MLLT1: variants seen among roughly 807,000 people sequenced by gnomAD.
MLLT1 encodes the protein MLLT1 super elongation complex subunit, also known as protein ENL.
A neutral mutation model predicts 55.1 loss-of-function variants in MLLT1; 11 were observed. The observed-to-expected ratio is 0.20, with a 90% CI of 0.13 to 0.33. The LOEUF is 0.33. Ranked by LOEUF, MLLT1 falls within the 10% of genes least tolerant of loss-of-function variation. The pLI, the probability that MLLT1 is intolerant of heterozygous loss-of-function variation, is 1.00. For missense variants in MLLT1, 536 were observed against 760.6 expected, an observed-to-expected ratio of 0.70 and a Z score of 3.47; for synonymous variants, 323 against 320.1, an observed-to-expected ratio of 1.01 and a Z score of -0.10.
rs780725072 is a variant in MLLT1, at chr19:6,222,540, G to A, written c.691C>T (p.Arg231Trp). 3.7e-6 allele frequency: 6 copies of A among 1,600,686 alleles called. No individual in the cohort carries two copies. The highest frequency in any genetic ancestry group is 5.1e-6 in the Non-Finnish European group (6 of 1,179,732). The change falls in exon 6 of 12, where the codon CGG (arginine) becomes TGG (tryptophan). Residue 231 changes from arginine to tryptophan, a missense_variant. Around this residue, in one of 3 missense-constraint regions of MLLT1, gnomAD observed 449 missense variants for 489.0 expected, o/e 0.92. Coordinates refer to ENST00000252674, the MANE Select transcript of MLLT1 (RefSeq NM_005934.4). The surrounding 1 kb of genome is among the most constrained non-coding windows in gnomAD (Gnocchi z 4.1). ...GGCAGCCGGCCCTCGCCCAGCTTCC[G>A]CGAGGTGTCCTTGGAGCTTTTGGCC... ...EQAKSSKDTS[R>W]KLGEGRLPKE...
At chr19:6,218,679 CACA>C (rs1419407992) in intron 6 of MLLT1, among the ~76,000 whole-genome samples, 1 of 152,204 alleles carries the variant, frequency 6.6e-6, no homozygotes, top group Admixed American at 6.5e-5. Context: ...CAGTAAAAGC[CACA>C]ACAAGGACAC....
chr19:6,268,905 G>A (rs1446437986), intron 2 of MLLT1, among the ~76,000 whole-genome samples: 1 of 152,182 alleles, frequency 6.6e-6, no homozygotes, highest in Non-Finnish European at 1.5e-5. Context: ...CACCTTCCAG[G>A]TACTTGGAGA....
intron 7 of MLLT1, 162 bp from the exon 8 acceptor site, chr19:6,216,675 C>A: frequency 1.7e-6 from 1 of 583,126 alleles, no homozygotes. Flanking sequence ...CTAAGAACTG[C>A]CCCCACACCG....
chr19:6,265,896 T>C, intron 2 of MLLT1, among the ~76,000 whole-genome samples: 1 of 151,476 alleles, frequency 6.6e-6, no homozygotes, highest in Non-Finnish European at 1.5e-5. Flanking sequence ...GGAGAATCGC[T>C]TGAACCCGGG....
At chr19:6,255,146 A>G (rs1471426588) in intron 3 of MLLT1, among the ~76,000 whole-genome samples, 1 of 152,212 alleles carries the variant, frequency 6.6e-6, no homozygotes, top group Admixed American at 6.5e-5. Context: ...GAAGAATCCA[A>G]AAAGGGAATT....
At chr19:6,234,055 G>C (rs968970711) in intron 3 of MLLT1, among the ~76,000 whole-genome samples, 1 of 152,006 alleles carries the variant, frequency 6.6e-6, no homozygotes, top group Non-Finnish European at 1.5e-5. Context: ...GCAGGGGTGG[G>C]AGGGGCTGGG....
chr19:6,261,950 T>G (rs2091309387), intron 3 of MLLT1, among the ~76,000 whole-genome samples: 1 of 152,188 alleles, frequency 6.6e-6, no homozygotes. Flanking sequence ...ATGTCACTGC[T>G]GGCACATTTT....
chr19:6,266,019 G>A (rs1008223216), intron 2 of MLLT1, among the ~76,000 whole-genome samples: 3 of 152,078 alleles, frequency 2.0e-5, no homozygotes, highest in Admixed American at 6.5e-5. Flanking sequence ...GGTGGCTCAC[G>A]CCGGTAATCC....
chr19:6,213,451 G>T (rs772311339), intron 10 of MLLT1, 43 bp from the exon 11 acceptor site: 12 of 1,476,276 alleles, frequency 8.1e-6, no homozygotes, highest in South Asian at 1.1e-5. Flanking sequence ...GGGGGCCCTG[G>T]ACCCTTCCTG....
chr19:6,268,401 G>C (rs753106229), intron 2 of MLLT1, among the ~76,000 whole-genome samples: 38 of 148,368 alleles, frequency 2.6e-4, no homozygotes, highest in Non-Finnish European at 4.6e-4. Context: ...GAAATAAGAA[G>C]CAAATGAGCT....
chr19:6,213,753 C>T lies in MLLT1; in HGVS notation c.1452G>A (p.Lys484=), dbSNP rs1396824555. The T allele has an allele frequency of 1.9e-6, 3 of 1,603,448 alleles. No individual in the cohort carries two copies. The highest frequency in any genetic ancestry group is 2.6e-6 in the Non-Finnish European group (3 of 1,175,404). The part of the protein sequence containing the change: ...RSPESCSKPE[K]ILKKGTYDKA... ...TGTCGTAGGTGCCCTTCTTGAGGAT[C>T]TTCTCAGGCTTGCTGCAGGACTCGG... The change falls in exon 10 of 12, where the codon AAG becomes AAA. Residue 484 remains lysine (K), a synonymous_variant. Coordinates refer to ENST00000252674, the MANE Select transcript of MLLT1 (RefSeq NM_005934.4).
At chr19:6,249,332 G>A (rs1183948852) in intron 3 of MLLT1, among the ~76,000 whole-genome samples, 1 of 152,026 alleles carries the variant, frequency 6.6e-6, no homozygotes, top group Non-Finnish European at 1.5e-5. Context: ...GACAGCCCGG[G>A]GTCTGAGATG....
intron 3 of MLLT1, among the ~76,000 whole-genome samples, chr19:6,232,360 A>G (rs975391140): frequency 2.0e-5 from 3 of 152,240 alleles, no homozygotes; most frequent in African/African-American, 4.8e-5. Flanking sequence ...TCTTCAACCA[A>G]TGGTGCTGGG....
At position 6,262,235 on chromosome 19, in the gene MLLT1, T is replaced by C. The variant is rs936787545; in HGVS notation, c.269A>G (p.Lys90Arg). 3.7e-6 allele frequency: 6 copies of C among 1,613,756 alleles called. No individual in the cohort carries two copies. The African/African-American group carries it at 8.0e-5, about 22-fold the overall frequency. Reference sequence around the variant, plus strand: ...TCCCCTCAGGGATCCTACCTTGTTTTTGAAGTGCACCTCGATGGGCATGAT... The same window carrying C: ...TCCCCTCAGGGATCCTACCTTGTTTCTGAAGTGCACCTCGATGGGCATGAT... ...GFIMPIEVHF[K>R]NKEEPRKVCF... Residue 90 changes from lysine (K) to arginine (R), a missense_variant, in exon 3 of 12, where the codon AAA becomes AGA. Around this residue, in one of 3 missense-constraint regions of MLLT1, gnomAD observed 62 missense variants for 195.8 expected, o/e 0.32. Coordinates refer to ENST00000252674, the MANE Select transcript of MLLT1 (RefSeq NM_005934.4). This position sits in a 1 kb window ranked among gnomAD's most constrained non-coding sequence, Gnocchi z 4.4.
At chr19:6,222,000 G>A (rs1358186460) in intron 6 of MLLT1, 121 bp downstream of exon 6, 2 of 744,968 alleles carry the variant, frequency 2.7e-6, no homozygotes, top group East Asian at 6.6e-5. Flanking sequence ...GCCAGTGGGA[G>A]GAGCAGCTGG....
intron 2 of MLLT1, among the ~76,000 whole-genome samples, chr19:6,267,779 G>A (rs143103726): frequency 1.3e-5 from 2 of 152,154 alleles, no homozygotes; most frequent in Non-Finnish European, 1.5e-5. Context: ...CTTGGTCTTC[G>A]TCAATAAGCT....
intron 3 of MLLT1, among the ~76,000 whole-genome samples, chr19:6,248,022 C>T (rs1239838088): frequency 6.6e-6 from 1 of 152,202 alleles, no homozygotes; most frequent in African/African-American, 2.4e-5. Flanking sequence ...TCCCAGGTAG[C>T]TGGAACTACA....
chr19:6,223,313 C>A (rs886629199), intron 5 of MLLT1, among the ~76,000 whole-genome samples: 5 of 152,228 alleles, frequency 3.3e-5, no homozygotes, highest in Non-Finnish European at 7.3e-5. Flanking sequence ...ACGGAGCAAA[C>A]AGCTCCCGGG....
rs1016201521 is a variant in MLLT1 at position 6,211,578 on chromosome 19, G to A, written c.*1464C>T. The A allele has an allele frequency of 2.8e-6, 3 of 1,064,232 alleles. No individual in the cohort carries two copies. Among genetic ancestry groups the A allele is most frequent in the Non-Finnish European group, 3.4e-6 (3 of 878,118 alleles). 65.9% of individuals were successfully genotyped at this position (1,064,232 alleles called of 1,614,324 possible). A position where few individuals can be genotyped will look rare whatever the true frequency, so the allele number is the denominator to read the frequency against. On this transcript the variant is annotated 3_prime_UTR_variant, in exon 12 of 12. Coordinates refer to ENST00000252674, the MANE Select transcript of MLLT1 (RefSeq NM_005934.4). This position sits in a 1 kb window ranked among gnomAD's most constrained non-coding sequence, Gnocchi z 4.6. The stretch of plus-strand genomic sequence containing the variant: ...GAGGAGGAGACATCTAGGTGGGTTC[G>A]AGGGGGTGCGAGCCCACCTCCAGGC...
Sources: gnomAD v4.1 joint callset for allele counts (sites outside exome capture counted in the v4.1 genomes callset) on GRCh38, gnomAD v4.1.1 for gene constraint, gnomAD v4.1.1 regional missense constraint, Gnocchi (gnomAD v3.1) non-coding constraint, MANE v1.5 for transcripts, NCBI Gene and HGNC (gene_info 2026-07-23, HGNC 2026-07-21) for gene names.